The following BBS4 variants were observed in gnomAD, a reference collection of about 807,000 sequenced individuals.
The protein encoded by BBS4 is Bardet-Biedl syndrome 4.
BBS4 carries 58 observed loss-of-function variants against 71.4 expected under a neutral mutation model. The ratio of observed to expected loss-of-function variants is 0.81; its 90% confidence interval spans 0.66 to 1.01. The LOEUF (loss-of-function observed/expected upper bound fraction) is 1.01. Ranked by LOEUF, BBS4 falls within the 50% of genes least tolerant of loss-of-function variation. The pLI is 0.00. For synonymous variants in BBS4, 228 were observed against 216.8 expected, an observed-to-expected ratio of 1.05 and a Z score of -0.46; for missense variants, 660 against 607.9, an observed-to-expected ratio of 1.09 and a Z score of -0.90.
rs142692981 is a variant in BBS4 at position 72,712,295 on chromosome 15, A to C, written c.208A>C (p.Ile70Leu). The C allele has an allele frequency of 1.2e-6, 2 of 1,613,714 alleles. No homozygotes were observed. The highest frequency in any genetic ancestry group is 1.7e-6 in the Non-Finnish European group (2 of 1,179,692). Residue 70 changes from isoleucine to leucine, a missense_variant, in exon 4 of 16, where the codon ATC becomes CTC. Transcript: ENST00000268057. ...QETQGLCEYA[I>L]YVQALIFRLE... ...GACTCAGGGATTGTGTGAATATGCT[A>C]TCTATGTCCAAGGTAAGACACATAC... is the stretch of plus-strand genomic sequence containing the variant.
chr15:72,722,941 G>A, intron 7 of BBS4, 94 bp downstream of exon 7: 1 of 1,110,450 alleles, frequency 9.0e-7, no homozygotes, highest in Non-Finnish European at 1.4e-6. Flanking sequence ...AGTGCTTGCA[G>A]AGGTTTTTGG....
At chr15:72,696,368 C>G (rs1241318149) in intron 2 of BBS4, among the ~76,000 whole-genome samples, 1 of 152,062 alleles carries the variant, frequency 6.6e-6, no homozygotes, top group Non-Finnish European at 1.5e-5. Flanking sequence ...ATATAATTTT[C>G]GTAGAGTAAA....
At chr15:72,731,065 C>CTTTTTTTTTTTTTTTTTTTT (rs35004414) in intron 10 of BBS4, among the ~76,000 whole-genome samples, 1 of 77,610 alleles carries the variant, frequency 1.3e-5, no homozygotes. Context: ...AACATTTTAT[C>CTTTTTTTTTTTTTTTTTTTT]TTTTTTTTTT....
chr15:72,737,570 C>CAAAT lies in BBS4; in HGVS notation c.1546_1549dup (p.Arg517AsnfsTer9), dbSNP rs770501268. On this transcript the variant is annotated frameshift_variant, in exon 16 of 16. Transcript: ENST00000268057. LOFTEE classifies it high-confidence loss of function. ...ATCAAGTCCAACTGAAACATCAGAACAAATAAGAGAGAAATAAGAATAGAA... is the reference window on the plus strand; with the variant it reads ...ATCAAGTCCAACTGAAACATCAGAACAAATAAATAAGAGAGAAATAAGAATAGAA... 1.2e-6 allele frequency: 2 copies of CAAAT among 1,608,264 alleles called. No homozygotes were observed. Among genetic ancestry groups the CAAAT allele is most frequent in the Non-Finnish European group, 1.7e-6 (2 of 1,177,254 alleles).
intron 1 of BBS4, among the ~76,000 whole-genome samples, chr15:72,688,780 G>C (rs891137544): frequency 2.6e-5 from 4 of 152,330 alleles, no homozygotes; most frequent in African/African-American, 9.6e-5. Context: ...TGTTAAACAT[G>C]AGCGTGTAGT....
chr15:72,737,131 C>T, intron 15 of BBS4, 168 bp downstream of exon 15: 1 of 813,694 alleles, frequency 1.2e-6, no homozygotes, highest in Non-Finnish European at 2.0e-6. Flanking sequence ...CACTTGTTTC[C>T]TTAAGGCGAG....
chr15:72,707,655 T>C (rs555841479), intron 2 of BBS4, among the ~76,000 whole-genome samples: 128 of 152,336 alleles, frequency 8.4e-4, no homozygotes, highest in African/African-American at 2.9e-3. Context: ...TTTCTGTCTT[T>C]TCATAATTCT....
At chr15:72,698,026 C>T (rs1290801435) in intron 2 of BBS4, 1 of 455,778 alleles carries the variant, frequency 2.2e-6, no homozygotes, top group Non-Finnish European at 4.4e-6. Context: ...GAAGATCTTA[C>T]CCATCATTGA....
chr15:72,734,447 T>A (rs1361242423), intron 12 of BBS4, among the ~76,000 whole-genome samples: 1 of 152,150 alleles, frequency 6.6e-6, no homozygotes, highest in Non-Finnish European at 1.5e-5. Context: ...TGTTAGAGAA[T>A]ATGATGGGAG....
chr15:72,710,463 G>A (rs1363781331), intron 3 of BBS4, among the ~76,000 whole-genome samples: 1 of 152,100 alleles, frequency 6.6e-6, no homozygotes, highest in African/African-American at 2.4e-5. Context: ...GCCTCCCAAA[G>A]TGCTGGGATT....
rs59816410 is a variant in BBS4, at chr15:72,702,802, C to CTTTTTTTTTTTTTT, written c.77-6888_77-6875dup. 2.7e-5 allele frequency among the ~76,000 whole-genome samples: 2 copies of CTTTTTTTTTTTTTT among 73,492 alleles called. 1 individual carries two copies. The highest frequency in any genetic ancestry group is 5.0e-5 in the Non-Finnish European group (2 of 40,222). 48.2% of individuals were successfully genotyped at this position (73,492 alleles called of 152,430 possible). ...TTTTTGGTATAGTGAGGAGCTGACT[C>CTTTTTTTTTTTTTT]TTTTTTTTTTTTTTTTTTTTTTTGA... On this transcript the variant is annotated intron_variant, in intron 2 of 15. Coordinates refer to ENST00000268057, the MANE Select transcript of BBS4 (RefSeq NM_033028.5).
intron 7 of BBS4, among the ~76,000 whole-genome samples, chr15:72,724,296 G>A (rs1210386387): frequency 6.6e-6 from 1 of 152,142 alleles, no homozygotes; most frequent in Admixed American, 6.5e-5. Context: ...AAGATTAATC[G>A]TCTTGTATAA....
chr15:72,728,008 T>A lies in BBS4; in HGVS notation c.642+14T>A, dbSNP rs375756635. 2.6e-5 allele frequency: 41 copies of A among 1,597,464 alleles called. No homozygotes were observed. The highest frequency in any genetic ancestry group is 2.2e-4 in the East Asian group (10 of 44,796). On this transcript the variant is annotated intron_variant, in intron 9 of 15. Transcript: ENST00000268057. Reference sequence around the variant, plus strand: ...CTCTACTTACAGGTAATGAAAACTCTGTACTCATTCATGCACTGATGTTAG... The same window carrying A: ...CTCTACTTACAGGTAATGAAAACTCAGTACTCATTCATGCACTGATGTTAG...
intron 1 of BBS4, among the ~76,000 whole-genome samples, chr15:72,692,047 AGAGT>A (rs1266459357): frequency 3.9e-5 from 6 of 152,046 alleles, no homozygotes; most frequent in Non-Finnish European, 5.9e-5. Context: ...TTATGGAGTA[AGAGT>A]AAGTACCTTC....
intron 6 of BBS4, among the ~76,000 whole-genome samples, chr15:72,719,326 C>G (rs1313750325): frequency 6.7e-6 from 1 of 149,002 alleles, no homozygotes; most frequent in African/African-American, 2.5e-5. Flanking sequence ...GTGATCATAG[C>G]TTACTGTAAC....
At chr15:72,730,870 G>A (rs1233010381) in intron 10 of BBS4, among the ~76,000 whole-genome samples, 2 of 151,984 alleles carry the variant, frequency 1.3e-5, no homozygotes, top group African/African-American at 2.4e-5. Context: ...TCTGTTCTAC[G>A]GTAGAAAGAA....
intron 2 of BBS4, among the ~76,000 whole-genome samples, chr15:72,695,634 A>G (rs1408435525): frequency 6.6e-6 from 1 of 152,192 alleles, no homozygotes; most frequent in Non-Finnish European, 1.5e-5. Context: ...TATTATTTCA[A>G]AATGAGTGTT....
intron 12 of BBS4, among the ~76,000 whole-genome samples, chr15:72,733,423 AT>A (rs1555502014): frequency 7.3e-5 from 11 of 151,354 alleles, no homozygotes; most frequent in Non-Finnish European, 1.5e-5. Context: ...CCCAATAGTT[AT>A]TTTTTTCTGG....
At chr15:72,699,748 A>G (rs1305863352) in intron 2 of BBS4, among the ~76,000 whole-genome samples, 3 of 152,174 alleles carry the variant, frequency 2.0e-5, no homozygotes, top group Non-Finnish European at 4.4e-5. Context: ...AGTATCTACT[A>G]TTTAGCTTTT....
Sources: gnomAD v4.1 joint callset for allele counts (sites outside exome capture counted in the v4.1 genomes callset) on GRCh38, gnomAD v4.1.1 for gene constraint, MANE v1.5 for transcripts, NCBI Gene and HGNC (gene_info 2026-07-23, HGNC 2026-07-21) for gene names.